Variants in TTC38 observed in about 807,000 individuals in gnomAD.
TTC38 encodes the protein tetratricopeptide repeat protein 38.
Under a neutral mutation model 64.2 loss-of-function variants are expected in TTC38, and 64 were observed. The observed-to-expected ratio is 1.00, with a 90% CI of 0.81 to 1.23. TTC38 has a LOEUF of 1.23. TTC38 is among the 50% of genes most tolerant of loss of function. The probability of loss-of-function intolerance (pLI) is 0.00; values close to 1 mark genes in which losing one functional copy is unlikely to be tolerated. For synonymous variants in TTC38, 254 were observed against 249.3 expected, an observed-to-expected ratio of 1.02 and a Z score of -0.18; for missense variants, 573 against 615.5, an observed-to-expected ratio of 0.93 and a Z score of 0.73.
At position 46,276,543 on chromosome 22, in the gene TTC38, A is replaced by G. The variant is rs1052301444; in HGVS notation, c.539+1122A>G. 6.6e-6 allele frequency among the ~76,000 whole-genome samples: 1 copy of G among 151,412 alleles called. No individual in the cohort carries two copies. The highest frequency in any genetic ancestry group is 2.4e-5 in the African/African-American group (1 of 41,192). On this transcript the variant is annotated intron_variant, in intron 5 of 13. Coordinates refer to ENST00000381031, the MANE Select transcript of TTC38 (RefSeq NM_017931.4). The surrounding 1 kb of genome is among the most constrained non-coding windows in gnomAD (Gnocchi z 4.7). ...CTCTACAAAAAGAAAAAATAAATTA[A>G]AAAAGTTAGCCAGGCATGGTGGCAT...
intron 2 of TTC38, chr22:46,268,808 C>T (rs904133676): frequency 2.8e-5 from 14 of 502,524 alleles, no homozygotes; most frequent in African/African-American, 2.3e-4. Flanking sequence ...CCTCAGCCTC[C>T]CGAGTAGCTG....
chr22:46,275,217 G>C lies in TTC38; in HGVS notation c.366-31G>C. The C allele has an allele frequency of 6.2e-7, 1 of 1,603,990 alleles. No homozygotes were observed. On this transcript the variant is annotated intron_variant, in intron 4 of 13. Transcript: ENST00000381031. This position sits in a 1 kb window ranked among gnomAD's most constrained non-coding sequence, Gnocchi z 4.5. ...CCTGTGTGGGTGGACTATGTGTTCA[G>C]CGTTGGTGAGAAATCTTTCTCGGTT...
At position 46,281,526 on chromosome 22, in the gene TTC38, AC is replaced by A; in HGVS notation, c.616-71del. ...CCCAGGCCCCTCTTGCCCCTTAGAG[AC>A]CTGCCGTCGCCTGCCCCGGCAGCCT... is the stretch of plus-strand genomic sequence containing the variant. On this transcript the variant is annotated intron_variant, in intron 6 of 13. Transcript: ENST00000381031. The surrounding 1 kb of genome is among the most constrained non-coding windows in gnomAD (Gnocchi z 5.2). 1 of 1,567,058 alleles carries A rather than the reference AC, an allele frequency of 6.4e-7. No individual in the cohort carries two copies. The highest frequency in any genetic ancestry group is 1.4e-5 in the African/African-American group (1 of 73,684).
At chr22:46,285,876 G>T (rs187621812) in intron 9 of TTC38, among the ~76,000 whole-genome samples, 30 of 151,636 alleles carry the variant, frequency 2.0e-4, no homozygotes, top group African/African-American at 6.6e-4. Flanking sequence ...TTAGCTAGGC[G>T]TGGTGGTGGG....
Position 46,274,127 on chromosome 22 carries a change from A to T in TTC38, c.365+58A>T, listed in dbSNP as rs1322288421. 1.8e-4 allele frequency: 156 copies of T among 873,034 alleles called. No homozygotes were observed. Among genetic ancestry groups the T allele is most frequent in the Middle Eastern group, 2.7e-4 (1 of 3,686 alleles). The allele number at this position is 873,034 out of a possible 1,614,324, so 54.1% of individuals were successfully genotyped here. ...CCTGAGGCTGAGCTGGGGGAGTGGC[A>T]GGGTATCCCTTTCCTGATGCCCTTG... On this transcript the variant is annotated intron_variant, in intron 4 of 13. Transcript: ENST00000381031. The surrounding 1 kb of genome is among the most constrained non-coding windows in gnomAD (Gnocchi z 4.8).
intron 13 of TTC38, among the ~76,000 whole-genome samples, chr22:46,290,500 G>GGAGGGT (rs774958512): frequency 0.034 from 4,879 of 142,942 alleles, 136 homozygotes; most frequent in Non-Finnish European, 0.051. Context: ...GTGAGTGTTA[G>GGAGGGT]GGTGGCATGG....
In TTC38 at chr22:46,272,907, T is replaced by C. The variant is rs1012725375; in HGVS notation, c.193+491T>C. 6.6e-6 allele frequency among the ~76,000 whole-genome samples: 1 copy of C among 152,126 alleles called. No individual in the cohort carries two copies. The highest frequency in any genetic ancestry group is 2.4e-5 in the African/African-American group (1 of 41,432). ...GAGGCTGGCATCCAGGCAAGCCATGTGTACAGCGGGCATGGGGAAGCCAGC... is the reference window on the plus strand; with the variant it reads ...GAGGCTGGCATCCAGGCAAGCCATGCGTACAGCGGGCATGGGGAAGCCAGC... On this transcript the variant is annotated intron_variant, in intron 3 of 13. Coordinates refer to ENST00000381031, the MANE Select transcript of TTC38 (RefSeq NM_017931.4). This position sits in a 1 kb window ranked among gnomAD's most constrained non-coding sequence, Gnocchi z 6.4.
Position 46,292,889 on chromosome 22 carries a change from G to C in TTC38, c.*5G>C, listed in dbSNP as rs1252568541. The C allele has an allele frequency of 1.2e-6, 2 of 1,610,020 alleles. No individual in the cohort carries two copies. Among genetic ancestry groups the C allele is most frequent in the South Asian group, 1.1e-5 (1 of 91,018 alleles). On this transcript the variant is annotated 3_prime_UTR_variant, in exon 14 of 14. Coordinates refer to ENST00000381031, the MANE Select transcript of TTC38 (RefSeq NM_017931.4). This position sits in a 1 kb window ranked among gnomAD's most constrained non-coding sequence, Gnocchi z 6.5. ...ACCGTCCACCTCATGCAGTGAGCCA[G>C]CCTGGCCGCCTCCACCCTGCAGAAC...
rs1452963875 is a variant in TTC38 at position 46,281,003 on chromosome 22, G to A, written c.616-596G>A. Reference sequence around the variant, plus strand: ...TCATTCCATGAGTCCTGCCTGCCTCGCTGGTCGCTGTCAAGCTCACAGGTC... The same window carrying A: ...TCATTCCATGAGTCCTGCCTGCCTCACTGGTCGCTGTCAAGCTCACAGGTC... On this transcript the variant is annotated intron_variant, in intron 6 of 13. Transcript: ENST00000381031. The surrounding 1 kb of genome is among the most constrained non-coding windows in gnomAD (Gnocchi z 5.2). Among the ~76,000 whole-genome samples, 1 of 152,210 alleles carries A rather than the reference G, an allele frequency of 6.6e-6. No individual in the cohort carries two copies. The highest frequency in any genetic ancestry group is 1.5e-5 in the Non-Finnish European group (1 of 68,040).
At chr22:46,283,851 C>CAAAAAAAAAAA in intron 7 of TTC38, 122 bp from the exon 8 acceptor site, 1 of 209,010 alleles carries the variant, frequency 4.8e-6, no homozygotes, top group Non-Finnish European at 8.0e-6. Context: ...GACTTAGTCT[C>CAAAAAAAAAAA]AAAAAAAAAA....
At position 46,271,435 on chromosome 22, in the gene TTC38, G is replaced by C. The variant is rs56016529; in HGVS notation, c.112-900G>C. On this transcript the variant is annotated intron_variant, in intron 2 of 13. Coordinates refer to ENST00000381031, the MANE Select transcript of TTC38 (RefSeq NM_017931.4). The surrounding 1 kb of genome is among the most constrained non-coding windows in gnomAD (Gnocchi z 5.5). The stretch of plus-strand genomic sequence containing the variant: ...TCACCGTGTTAGCCAGGATGGTCTC[G>C]ATCTCCTGACCTCATGATCCGCCCA... Among the ~76,000 whole-genome samples the C allele has an allele frequency of 6.6e-6, 1 of 151,800 alleles. No individual in the cohort carries two copies. Among genetic ancestry groups the C allele is most frequent in the Non-Finnish European group, 1.5e-5 (1 of 67,972 alleles).
At chr22:46,286,314 A>G (rs1057181250) in intron 9 of TTC38, among the ~76,000 whole-genome samples, 3 of 152,164 alleles carry the variant, frequency 2.0e-5, no homozygotes, top group Admixed American at 1.3e-4. Flanking sequence ...AAAAACACAC[A>G]GTAAATTTCC....
At chr22:46,290,351 G>A (rs1569027576) in intron 13 of TTC38, among the ~76,000 whole-genome samples, 1 of 152,198 alleles carries the variant, frequency 6.6e-6, no homozygotes, top group Non-Finnish European at 1.5e-5. Flanking sequence ...ATCTGTAGTC[G>A]GGGGAGCGAC....
intron 10 of TTC38, 69 bp downstream of exon 10, chr22:46,287,223 C>T: frequency 7.0e-7 from 1 of 1,425,194 alleles, no homozygotes; most frequent in Non-Finnish European, 9.6e-7. Flanking sequence ...GGTGCTGTGG[C>T]CTAGGCCCAG....
chr22:46,285,430 T>G (rs891638580), intron 9 of TTC38, 151 bp downstream of exon 9: 5 of 787,336 alleles, frequency 6.4e-6, no homozygotes, highest in Non-Finnish European at 8.8e-6. Flanking sequence ...ATGGGGTTAA[T>G]TTTGCCAAGA....
chr22:46,287,139 C>T lies in TTC38; in HGVS notation c.901C>T (p.Arg301Cys), dbSNP rs562152664. The T allele has an allele frequency of 2.6e-5, 41 of 1,603,132 alleles. No individual in the cohort carries two copies. Among genetic ancestry groups the T allele is most frequent in the East Asian group, 4.5e-5 (2 of 44,666 alleles). ...DVVDSCSMLYRLQMEGVSVGQ... is the reference protein window; with the variant it reads ...DVVDSCSMLYCLQMEGVSVGQ... Reference sequence around the variant, plus strand: ...GGTGGACAGCTGCTCCATGCTCTACCGCCTGCAGATGGAAGGTAGCCATCC... The same window carrying T: ...GGTGGACAGCTGCTCCATGCTCTACTGCCTGCAGATGGAAGGTAGCCATCC... Residue 301 changes from arginine to cysteine, a missense_variant, in exon 10 of 14, where the codon CGC becomes TGC. This residue lies in a region of TTC38 where 371 missense variants were observed against 381.8 expected (regional missense o/e 0.97). Transcript: ENST00000381031.
Position 46,288,539 on chromosome 22 carries a change from G to T in TTC38, c.1033G>T (p.Asp345Tyr). ...CCTGATGGCATCCCTGGGTGCACAC[G>T]ACCCCCAGACCACACAGGAGCTGCT... Reference protein sequence around the residue: ...HFLMASLGAHDPQTTQELLTT... With the variant: ...HFLMASLGAHYPQTTQELLTT... The change falls in exon 11 of 14, where the codon GAC becomes TAC. Residue 345 changes from aspartate to tyrosine, a missense_variant. By Grantham distance (160) the Asp-to-Tyr change is radical. This residue lies in a region of TTC38 where 371 missense variants were observed against 381.8 expected (regional missense o/e 0.97). Transcript: ENST00000381031. 1 of 1,613,866 alleles carries T rather than the reference G, an allele frequency of 6.2e-7. No homozygotes were observed. The highest frequency in any genetic ancestry group is 8.5e-7 in the Non-Finnish European group (1 of 1,179,866).
In TTC38 at chr22:46,273,175, A is replaced by G. The variant is rs534080139; in HGVS notation, c.194-723A>G. On this transcript the variant is annotated intron_variant, in intron 3 of 13. Transcript: ENST00000381031. This position sits in a 1 kb window ranked among gnomAD's most constrained non-coding sequence, Gnocchi z 5.1. ...AGCCAGGAGCCAGGGGTGGGCTCGG[A>G]CTCTCTGAGCAGACCTTGAGCCCTG... Among the ~76,000 whole-genome samples the G allele has an allele frequency of 2.0e-4, 31 of 152,238 alleles. No individual in the cohort carries two copies. Among genetic ancestry groups the G allele is most frequent in the African/African-American group, 7.2e-4 (30 of 41,550 alleles).
intron 2 of TTC38, chr22:46,268,923 G>C (rs551347684): frequency 2.9e-6 from 1 of 343,484 alleles, no homozygotes; most frequent in African/African-American, 2.2e-5. Flanking sequence ...TCCTGACCTC[G>C]TGATCCGCCC....
Sources: gnomAD v4.1 joint callset for allele counts (sites outside exome capture counted in the v4.1 genomes callset) on GRCh38, gnomAD v4.1.1 for gene constraint, gnomAD v4.1.1 regional missense constraint, Gnocchi (gnomAD v3.1) non-coding constraint, MANE v1.5 for transcripts, NCBI Gene and HGNC (gene_info 2026-07-23, HGNC 2026-07-21) for gene names.